TUBGCP3: variants seen among roughly 807,000 people sequenced by gnomAD.
The protein encoded by TUBGCP3 is tubulin gamma complex component 3.
In TUBGCP3, 50 loss-of-function variants were observed where a neutral mutation model predicts 123.1. The observed-to-expected ratio is 0.41, with a 90% CI of 0.32 to 0.51. The LOEUF (loss-of-function observed/expected upper bound fraction) is 0.51. TUBGCP3 is among the 20% of genes least tolerant of loss of function. The pLI, the probability that TUBGCP3 is intolerant of heterozygous loss-of-function variation, is 0.36. For synonymous variants in TUBGCP3, 405 were observed against 413.9 expected (o/e 0.98, Z 0.26); for missense variants, 882 against 1,127.0 (o/e 0.78, Z 3.11).
chr13:112,504,921 A>G (rs1302947856), intron 17 of TUBGCP3, among the ~76,000 whole-genome samples: 1 of 152,228 alleles, frequency 6.6e-6, no homozygotes, highest in Non-Finnish European at 1.5e-5. Context: ...AAGTAGTACT[A>G]TACTACTTTA....
At chr13:112,593,106 G>T (rs1882910509), upstream of TUBGCP3, among the ~76,000 whole-genome samples, 1 of 152,314 alleles carries the variant, frequency 6.6e-6, no homozygotes. Context: ...CTCAAACTAA[G>T]TAGAAGGAAG....
chr13:112,539,275 TAC>T (rs1423232272), intron 11 of TUBGCP3, among the ~76,000 whole-genome samples: 2 of 152,132 alleles, frequency 1.3e-5, no homozygotes, highest in Non-Finnish European at 2.9e-5. Context: ...TTGCCCAGGA[TAC>T]AGAGTCATCA....
chr13:112,535,822 A>G (rs745353811), intron 11 of TUBGCP3, among the ~76,000 whole-genome samples: 15 of 152,192 alleles, frequency 9.9e-5, no homozygotes, highest in Non-Finnish European at 1.9e-4. Context: ...TTTTGATGAC[A>G]TATCTAAGAA....
At chr13:112,533,799 C>CTTTT (rs56710076) in intron 11 of TUBGCP3, among the ~76,000 whole-genome samples, 1 of 118,946 alleles carries the variant, frequency 8.4e-6, no homozygotes, top group Non-Finnish European at 1.8e-5. Flanking sequence ...AAGAGAATTT[C>CTTTT]TTTTTTTTTT....
At chr13:112,503,886 T>C in intron 19 of TUBGCP3, 146 bp downstream of exon 19, 1 of 1,065,168 alleles carries the variant, frequency 9.4e-7, no homozygotes, top group Non-Finnish European at 1.3e-6. Context: ...AACTGTACCT[T>C]CAACAGTAAA....
the TUBGCP3 span, among the ~76,000 whole-genome samples, chr13:112,601,665 G>A: frequency 5.1e-4 from 77 of 152,080 alleles, no homozygotes; most frequent in African/African-American, 1.6e-3. Context: ...AGTCAGGTCC[G>A]ACTCATCCCC....
chr13:112,562,511 T>C (rs1880596809), intron 3 of TUBGCP3, among the ~76,000 whole-genome samples: 1 of 152,102 alleles, frequency 6.6e-6, no homozygotes, highest in African/African-American at 2.4e-5. Context: ...GTCACCCCTC[T>C]CCCAACTCCA....
rs1876914727 is a variant in TUBGCP3, at chr13:112,524,798, T to C, written c.1555+2144A>G. Among the ~76,000 whole-genome samples, 4 of 152,190 alleles carry C rather than the reference T, an allele frequency of 2.6e-5. No homozygotes were observed. The highest frequency in any genetic ancestry group is 2.6e-4 in the Admixed American group (4 of 15,286). On this transcript the variant is annotated intron_variant, in intron 13 of 21. Coordinates refer to ENST00000261965, the MANE Select transcript of TUBGCP3 (RefSeq NM_006322.6). The surrounding 1 kb of genome is among the most constrained non-coding windows in gnomAD (Gnocchi z 4.4). ...GAGATAAGTGCTTCCAAAATCTCTA[T>C]ATTCGGCCCTGACTTTTAACCAGAG...
intron 13 of TUBGCP3, among the ~76,000 whole-genome samples, chr13:112,526,306 T>G (rs959212914): frequency 7.6e-6 from 1 of 131,852 alleles, no homozygotes; most frequent in Non-Finnish European, 1.6e-5. Flanking sequence ...ACACCATCAC[T>G]GCCACCACCA....
intron 11 of TUBGCP3, among the ~76,000 whole-genome samples, chr13:112,544,220 A>C (rs369433249): frequency 1.3e-5 from 2 of 152,064 alleles, no homozygotes; most frequent in Admixed American, 6.5e-5. Context: ...TTGGGAGGCC[A>C]AGGCGGGCAG....
At position 112,587,940 on chromosome 13, in the gene TUBGCP3, T is replaced by A; in HGVS notation, c.41A>T (p.Gln14Leu). The A allele has an allele frequency of 6.3e-7, 1 of 1,594,558 alleles. No individual in the cohort carries two copies. The highest frequency in any genetic ancestry group is 1.1e-5 in the South Asian group (1 of 88,512). Residue 14 changes from glutamine (Q) to leucine (L), a missense_variant, in exon 1 of 22, where the codon CAG (glutamine) becomes CTG (leucine). Physicochemically the swap from Gln to Leu is moderately radical, Grantham distance 113. Around this residue, in one of 3 missense-constraint regions of TUBGCP3, gnomAD observed 713 missense variants for 874.0 expected, o/e 0.82. Coordinates refer to ENST00000261965, the MANE Select transcript of TUBGCP3 (RefSeq NM_006322.6). Reference protein sequence around the residue: ...PDQKSPNVLLQNLCCRILGRS... With the variant: ...PDQKSPNVLLLNLCCRILGRS... ...GCCCAGGATCCTGCAGCACAGGTTC[T>A]GCAGCAGAACGTTCGGCGACTTCTG...
At chr13:112,491,308 T>C (rs1425397154) in intron 20 of TUBGCP3, among the ~76,000 whole-genome samples, 1 of 152,252 alleles carries the variant, frequency 6.6e-6, no homozygotes, top group African/African-American at 2.4e-5. Flanking sequence ...TATGTGCATT[T>C]TATCTTTCAT....
At chr13:112,576,856 A>G (rs1009499380) in intron 1 of TUBGCP3, among the ~76,000 whole-genome samples, 8 of 152,158 alleles carry the variant, frequency 5.3e-5, no homozygotes, top group African/African-American at 1.9e-4. Context: ...TAAAATCTGG[A>G]AAAAGAACAA....
chr13:112,560,599 C>A (rs1278827830), intron 3 of TUBGCP3, among the ~76,000 whole-genome samples: 1 of 152,166 alleles, frequency 6.6e-6, no homozygotes. Flanking sequence ...ATTCAGACAG[C>A]CTTACCTTTT....
At chr13:112,492,104 A>T (rs1407014364) in intron 20 of TUBGCP3, among the ~76,000 whole-genome samples, 2 of 152,136 alleles carry the variant, frequency 1.3e-5, no homozygotes, top group African/African-American at 4.8e-5. Flanking sequence ...AAAACATATC[A>T]TCTTCTTCTT....
intron 8 of TUBGCP3, among the ~76,000 whole-genome samples, chr13:112,551,155 G>A (rs1008150554): frequency 1.3e-5 from 2 of 152,194 alleles, no homozygotes; most frequent in African/African-American, 4.8e-5. Context: ...TATCCAACGT[G>A]TAGAATCTAA....
At chr13:112,534,272 C>T (rs1327875459) in intron 11 of TUBGCP3, among the ~76,000 whole-genome samples, 1 of 152,310 alleles carries the variant, frequency 6.6e-6, no homozygotes, top group Middle Eastern at 3.4e-3. Flanking sequence ...TGCGGCCGGG[C>T]GCGGCGGCTC....
intron 10 of TUBGCP3, 43 bp downstream of exon 10, chr13:112,547,568 GTGGGAAAGT>G (rs753793119): frequency 3.0e-6 from 4 of 1,354,152 alleles, no homozygotes; most frequent in Non-Finnish European, 2.9e-6. Flanking sequence ...AAAGTCGCGC[GTGGGAAAGT>G]CGCGCGTGGG....
At chr13:112,578,169 T>G (rs1881984782) in intron 1 of TUBGCP3, among the ~76,000 whole-genome samples, 1 of 152,116 alleles carries the variant, frequency 6.6e-6, no homozygotes, top group Non-Finnish European at 1.5e-5. Context: ...CCCTCGTGGC[T>G]TGGATGGAAT....
Sources: allele counts gnomAD v4.1 joint callset (sites outside exome capture counted in the v4.1 genomes callset), GRCh38; gene constraint gnomAD v4.1.1; regional missense constraint gnomAD v4.1.1; non-coding constraint Gnocchi (gnomAD v3.1); transcripts MANE v1.5; gene names NCBI Gene and HGNC (gene_info 2026-07-23, HGNC 2026-07-21).